CDH18: variants seen among roughly 807,000 people sequenced by gnomAD.
The protein encoded by CDH18 is cadherin 18.
CDH18 carries 31 observed loss-of-function variants against 67.9 expected under a neutral mutation model. The ratio of observed to expected loss-of-function variants is 0.46; its 90% CI spans 0.34 to 0.62. The LOEUF (loss-of-function observed/expected upper bound fraction) is 0.62. Among genes scored for constraint, CDH18 ranks in the 20% least tolerant of loss-of-function variants. The pLI, the probability that CDH18 is intolerant of heterozygous loss-of-function variation, is 0.01. For missense variants in CDH18, 890 were observed against 975.5 expected (o/e 0.91, Z 1.17); for synonymous variants, 362 against 347.2 (o/e 1.04, Z -0.48).
chr5:19,911,985 G>C (rs947389702), intron 2 of CDH18, among the ~76,000 whole-genome samples: 1 of 152,096 alleles, frequency 6.6e-6, no homozygotes, highest in African/African-American at 2.4e-5. Flanking sequence ...AGCTGCTTTT[G>C]AGATGTTAAG....
intron 2 of CDH18, among the ~76,000 whole-genome samples, chr5:19,954,860 AAAAG>A (rs1796111165): frequency 6.6e-6 from 1 of 151,876 alleles, no homozygotes; most frequent in Non-Finnish European, 1.5e-5. Context: ...AGGAAAAAAA[AAAAG>A]AGTTATTGGG....
intron 5 of CDH18, among the ~76,000 whole-genome samples, chr5:19,628,870 C>T (rs1031552546): frequency 2.0e-5 from 3 of 150,778 alleles, no homozygotes; most frequent in African/African-American, 7.3e-5. Flanking sequence ...GATACTGACA[C>T]ATAAGATTGA....
intron 1 of CDH18, among the ~76,000 whole-genome samples, chr5:20,344,104 T>G (rs932450951): frequency 1.3e-5 from 2 of 152,158 alleles, no homozygotes; most frequent in African/African-American, 4.8e-5. Flanking sequence ...GGATGGCTAC[T>G]ATTGGAGGAT....
intron 1 of CDH18, among the ~76,000 whole-genome samples, chr5:20,334,762 A>ACACACT: frequency 7.3e-6 from 1 of 136,332 alleles, no homozygotes; most frequent in Non-Finnish European, 1.5e-5. Context: ...ATACACACAC[A>ACACACT]CACACACACA....
rs1736201179 is a variant in CDH18, at chr5:20,165,325, T to C, written c.-518+90119A>G. Among the ~76,000 whole-genome samples the C allele has an allele frequency of 5.9e-5, 9 of 152,200 alleles. No individual in the cohort carries two copies. In the South Asian group the frequency reaches 1.9e-3, roughly 32 times the overall value. Reference sequence around the variant, plus strand: ...TTATCTAAAACATGTATATTGTACCTGAGACTGTGCTACACTTTGAGGATA... The same window carrying C: ...TTATCTAAAACATGTATATTGTACCCGAGACTGTGCTACACTTTGAGGATA... On this transcript the variant is annotated intron_variant, in intron 2 of 14. Transcript: ENST00000507958.
chr5:19,660,927 G>A (rs1757071740), intron 5 of CDH18, among the ~76,000 whole-genome samples: 1 of 150,906 alleles, frequency 6.6e-6, no homozygotes, highest in Non-Finnish European at 1.5e-5. Context: ...GAAAGTGTGT[G>A]GTAATTTGTT....
intron 2 of CDH18, among the ~76,000 whole-genome samples, chr5:20,252,815 T>C (rs774795152): frequency 6.6e-5 from 10 of 151,764 alleles, no homozygotes; most frequent in Admixed American, 2.0e-4. Flanking sequence ...TGGGCGCCTG[T>C]AGTCCCAACT....
chr5:19,641,746 T>C (rs1434904000), intron 5 of CDH18, among the ~76,000 whole-genome samples: 1 of 151,988 alleles, frequency 6.6e-6, no homozygotes, highest in Admixed American at 6.6e-5. Flanking sequence ...AATTGAAATC[T>C]TTCTAAGATC....
chr5:20,141,818 T>A (rs1750264030), intron 2 of CDH18, among the ~76,000 whole-genome samples: 1 of 152,008 alleles, frequency 6.6e-6, no homozygotes, highest in African/African-American at 2.4e-5. Context: ...GAAAAGAAAG[T>A]GTAATGCCAT....
chr5:19,996,634 T>G lies in CDH18; in HGVS notation c.-517-4620A>C, dbSNP rs6883357. Reference sequence around the variant, plus strand: ...ATTTGCTTATTCAATAGTTGAAAATTAATACCTCATTGTTTTAATTTCTGT... The same window carrying G: ...ATTTGCTTATTCAATAGTTGAAAATGAATACCTCATTGTTTTAATTTCTGT... On this transcript the variant is annotated intron_variant, in intron 2 of 14. Transcript: ENST00000507958. 8.7e-3 allele frequency among the ~76,000 whole-genome samples: 1,323 copies of G among 152,102 alleles called. 23 individuals are homozygous for G. The highest frequency in any genetic ancestry group is 0.029 in the African/African-American group (1,210 of 41,558).
At chr5:19,646,701 A>G (rs994103234) in intron 5 of CDH18, among the ~76,000 whole-genome samples, 4 of 152,158 alleles carry the variant, frequency 2.6e-5, no homozygotes, top group African/African-American at 9.7e-5. Context: ...TGAAAAATCT[A>G]AATGGAATAA....
intron 2 of CDH18, among the ~76,000 whole-genome samples, chr5:20,071,331 C>G (rs1011504767): frequency 6.6e-6 from 1 of 151,860 alleles, no homozygotes; most frequent in Non-Finnish European, 1.5e-5. Context: ...TTTGAGAGTG[C>G]TAAACTCCCC....
At chr5:20,014,453 G>T (rs761216523) in intron 2 of CDH18, among the ~76,000 whole-genome samples, 1 of 152,056 alleles carries the variant, frequency 6.6e-6, no homozygotes, top group Non-Finnish European at 1.5e-5. Flanking sequence ...CTGCATGAAG[G>T]GTGGATATGA....
At chr5:19,987,226 T>G (rs941900051) in intron 1 of CDH18, among the ~76,000 whole-genome samples, 23 of 150,852 alleles carry the variant, frequency 1.5e-4, no homozygotes, top group African/African-American at 5.4e-4. Flanking sequence ...ATATGAGAGG[T>G]TTGCCTAGAG....
At chr5:19,944,624 G>T (rs1445742119) in intron 2 of CDH18, among the ~76,000 whole-genome samples, 1 of 152,090 alleles carries the variant, frequency 6.6e-6, no homozygotes, top group Non-Finnish European at 1.5e-5. Flanking sequence ...TTGAAAATGA[G>T]CTACCTGTCT....
intron 1 of CDH18, among the ~76,000 whole-genome samples, chr5:20,424,970 G>A (rs1164315264): frequency 6.7e-6 from 1 of 150,296 alleles, no homozygotes; most frequent in Admixed American, 6.6e-5. Flanking sequence ...ATGAGGACTG[G>A]GTCAACCAGA....
At chr5:20,296,065 G>A (rs1580690497) in intron 1 of CDH18, among the ~76,000 whole-genome samples, 1 of 151,142 alleles carries the variant, frequency 6.6e-6, no homozygotes, top group East Asian at 2.0e-4. Flanking sequence ...TAGTAGAGAC[G>A]GGGTTTCGCC....
intron 2 of CDH18, among the ~76,000 whole-genome samples, chr5:20,010,303 T>G (rs1313758185): frequency 6.6e-6 from 1 of 151,896 alleles, no homozygotes; most frequent in Non-Finnish European, 1.5e-5. Context: ...GGCACGATCT[T>G]GGTTCAATTG....
chr5:19,520,171 T>C (rs1302670425), intron 10 of CDH18, among the ~76,000 whole-genome samples: 1 of 152,054 alleles, frequency 6.6e-6, no homozygotes, highest in Non-Finnish European at 1.5e-5. Flanking sequence ...ATGATCCAGA[T>C]CCATCTTCAC....
Sources: allele counts gnomAD v4.1 joint callset (sites outside exome capture counted in the v4.1 genomes callset), GRCh38; gene constraint gnomAD v4.1.1; transcripts MANE v1.5; gene names NCBI Gene and HGNC (gene_info 2026-07-23, HGNC 2026-07-21).